Variants in TMEM150C observed in about 807,000 individuals in gnomAD.
The protein encoded by TMEM150C is tentonin 3.
TMEM150C carries 10 observed loss-of-function variants against 29.9 expected under a neutral mutation model. The ratio of observed to expected loss-of-function variants is 0.33; its 90% CI spans 0.21 to 0.57. The LOEUF (loss-of-function observed/expected upper bound fraction) is 0.57. Among genes scored for constraint, TMEM150C ranks in the 20% least tolerant of loss-of-function variants. TMEM150C has a pLI of 0.88. For missense variants in TMEM150C, 251 were observed against 303.6 expected (o/e 0.83, Z 1.29); for synonymous variants, 101 against 112.5 (o/e 0.90, Z 0.64).
intron 6 of TMEM150C, chr4:82,490,935 G>A (rs1217749054): frequency 2.8e-6 from 2 of 724,734 alleles, no homozygotes; most frequent in African/African-American, 1.7e-5. Flanking sequence ...GATCTCATCG[G>A]ATCTGTTTTT....
In TMEM150C at chr4:82,546,487, C is replaced by G. The variant is rs192264299; in HGVS notation, c.-11+15419G>C. On this transcript the variant is annotated intron_variant, in intron 1 of 7. Transcript: ENST00000449862. ...AAAAATAGGCAATGGGGAAAGGACT[C>G]CCTACTCAGTAAATGCTGCTGGGAT... 1.0e-3 allele frequency among the ~76,000 whole-genome samples: 156 copies of G among 152,286 alleles called. 1 individual carries two copies. In the East Asian group the frequency reaches 0.022, roughly 22 times the overall value.
At chr4:82,553,873 A>C (rs1725659350) in intron 1 of TMEM150C, among the ~76,000 whole-genome samples, 1 of 152,238 alleles carries the variant, frequency 6.6e-6, no homozygotes, top group Admixed American at 6.5e-5. Flanking sequence ...ATGTGCATAC[A>C]TATACAATCA....
chr4:82,559,001 A>C (rs918706972), intron 1 of TMEM150C, among the ~76,000 whole-genome samples: 3 of 152,050 alleles, frequency 2.0e-5, no homozygotes, highest in Non-Finnish European at 4.4e-5. Context: ...GGTTCTTTGT[A>C]ATTTCCCCAC....
chr4:82,513,450 C>T (rs1051387181), intron 1 of TMEM150C, among the ~76,000 whole-genome samples: 1 of 151,344 alleles, frequency 6.6e-6, no homozygotes, highest in Non-Finnish European at 1.5e-5. Context: ...GAACTGCACA[C>T]TTAAAAAATC....
At chr4:82,560,427 C>T (rs115646209) in intron 1 of TMEM150C, among the ~76,000 whole-genome samples, 2,448 of 152,268 alleles carry the variant, frequency 0.016, 78 homozygotes, top group African/African-American at 0.056. Flanking sequence ...ACTTGCAAAA[C>T]ATTTATTAAA....
chr4:82,515,438 A>C (rs1302715489), intron 1 of TMEM150C, among the ~76,000 whole-genome samples: 1 of 152,150 alleles, frequency 6.6e-6, no homozygotes, highest in Non-Finnish European at 1.5e-5. Flanking sequence ...CTGACTCAGC[A>C]GTTCTAAAGA....
chr4:82,494,262 G>A (rs1723465814), intron 6 of TMEM150C, among the ~76,000 whole-genome samples: 1 of 152,168 alleles, frequency 6.6e-6, no homozygotes, highest in Admixed American at 6.5e-5. Context: ...CACTGTCATA[G>A]TACAGAGGTT....
At chr4:82,547,954 G>C (rs966242448) in intron 1 of TMEM150C, among the ~76,000 whole-genome samples, 4 of 152,102 alleles carry the variant, frequency 2.6e-5, no homozygotes, top group Non-Finnish European at 5.9e-5. Context: ...AATCAACCTA[G>C]GTACCCATCA....
chr4:82,554,598 C>A (rs376515207), intron 1 of TMEM150C, among the ~76,000 whole-genome samples: 9 of 152,062 alleles, frequency 5.9e-5, no homozygotes, highest in Non-Finnish European at 7.4e-5. Context: ...AAAAAGAGTA[C>A]GAAATCTACT....
chr4:82,504,234 T>G (rs1475654734), intron 2 of TMEM150C, among the ~76,000 whole-genome samples: 1 of 152,180 alleles, frequency 6.6e-6, no homozygotes, highest in Non-Finnish European at 1.5e-5. Context: ...GGGACAGTCT[T>G]GCTCTCTTGC....
intron 1 of TMEM150C, among the ~76,000 whole-genome samples, chr4:82,538,833 G>C (rs1725099924): frequency 6.6e-6 from 1 of 152,132 alleles, no homozygotes; most frequent in Admixed American, 6.5e-5. Flanking sequence ...GGCTGAGGTG[G>C]GCAGATTGCT....
At position 82,507,727 on chromosome 4, in the gene TMEM150C, C is replaced by CTT. The variant is rs869112887; in HGVS notation, c.-10-3062_-10-3061dup. Among the ~76,000 whole-genome samples, 124 of 20,546 alleles carry CTT rather than the reference C, an allele frequency of 6.0e-3. 9 individuals carry two copies. Among genetic ancestry groups the CTT allele is most frequent in the East Asian group, 0.02 (9 of 458 alleles). 13.5% of individuals were successfully genotyped at this position (20,546 alleles called of 152,430 possible). ...TTAAATTAACTCTCTCTCTCTCTCT[C>CTT]TTTTTTTTTTTTTTTTTTTTTTTTT... On this transcript the variant is annotated intron_variant, in intron 1 of 7. Transcript: ENST00000449862.
At chr4:82,544,774 G>GCAAAAAAAAAAAAAA (rs1553909252) in intron 1 of TMEM150C, among the ~76,000 whole-genome samples, 1 of 102,326 alleles carries the variant, frequency 9.8e-6, no homozygotes, top group African/African-American at 8.7e-5. Context: ...GTAAGACTAT[G>GCAAAAAAAAAAAAAA]CAAAAAAAAA....
At chr4:82,495,328 C>T (rs1723510834) in intron 6 of TMEM150C, 1 of 208,828 alleles carries the variant, frequency 4.8e-6, no homozygotes, top group Non-Finnish European at 9.5e-6. Flanking sequence ...GTGGTCCCAG[C>T]TACTCAGGAG....
intron 1 of TMEM150C, among the ~76,000 whole-genome samples, chr4:82,553,579 T>G (rs1415574255): frequency 1.3e-5 from 2 of 152,246 alleles, no homozygotes. Flanking sequence ...CAGAAAATCC[T>G]CTTTAATTTC....
At chr4:82,561,576 C>A (rs1485906808) in intron 1 of TMEM150C, among the ~76,000 whole-genome samples, 13 of 150,192 alleles carry the variant, frequency 8.7e-5, no homozygotes, top group African/African-American at 3.2e-4. Flanking sequence ...GGGGCCGCAG[C>A]GGGCGGGCTG....
At chr4:82,561,455 G>A (rs1725922526) in intron 1 of TMEM150C, among the ~76,000 whole-genome samples, 1 of 152,180 alleles carries the variant, frequency 6.6e-6, no homozygotes, top group Admixed American at 6.5e-5. Context: ...GAATGGCACA[G>A]GGACCGGGAG....
chr4:82,549,086 A>T (rs1217963102), intron 1 of TMEM150C, among the ~76,000 whole-genome samples: 1 of 152,254 alleles, frequency 6.6e-6, no homozygotes, highest in Admixed American at 6.5e-5. Flanking sequence ...CTAAAAAAAA[A>T]AATCCCCAAT....
intron 1 of TMEM150C, among the ~76,000 whole-genome samples, chr4:82,537,456 GGA>G (rs1725048688): frequency 6.6e-6 from 1 of 152,122 alleles, no homozygotes; most frequent in African/African-American, 2.4e-5. Flanking sequence ...TACACCCTTT[GGA>G]AAACAACTGG....
Sources: gnomAD v4.1 joint callset for allele counts (sites outside exome capture counted in the v4.1 genomes callset) on GRCh38, gnomAD v4.1.1 for gene constraint, MANE v1.5 for transcripts, NCBI Gene and HGNC (gene_info 2026-07-23, HGNC 2026-07-21) for gene names.